The following LINGO2 variants were observed in gnomAD, a reference collection of about 807,000 sequenced individuals.
LINGO2 encodes leucine rich repeat and Ig domain containing 2.
A neutral mutation model predicts 30.6 loss-of-function variants in LINGO2; 14 were observed. That is an observed-to-expected ratio of 0.46 (90% confidence interval 0.30 to 0.72). The LOEUF is 0.72. LINGO2 is among the 30% of genes least tolerant of loss of function. The probability of loss-of-function intolerance (pLI) is 0.07; values close to 1 mark genes in which losing one functional copy is unlikely to be tolerated. For missense variants in LINGO2, 729 were observed against 751.7 expected, an observed-to-expected ratio of 0.97 and a Z score of 0.35; for synonymous variants, 317 against 288.5, an observed-to-expected ratio of 1.10 and a Z score of -1.00.
At chr9:29,078,879 A>T in the LINGO2 span, among the ~76,000 whole-genome samples, 29,939 of 151,710 alleles carry the variant, frequency 0.2, 3,098 homozygotes, top group African/African-American at 0.24. Flanking sequence ...TCCTAGGATC[A>T]AGGCTGAATT....
At position 28,626,826 on chromosome 9, in the gene LINGO2, TTG is replaced by T. The variant is rs370655363; in HGVS notation, c.-365+43372_-365+43373del. On this transcript the variant is annotated intron_variant, in intron 1 of 5. Coordinates refer to ENST00000379992, the Ensembl canonical transcript of LINGO2. Reference sequence around the variant, plus strand: ...GTTTTTTTCAGCTCTAAAAATTCTATTGTGTGTGTGTGTGTGTGTCTTCCATT... The same window carrying T: ...GTTTTTTTCAGCTCTAAAAATTCTATTGTGTGTGTGTGTGTGTCTTCCATT... Among the ~76,000 whole-genome samples, 547 of 150,580 alleles carry T rather than the reference TTG, an allele frequency of 3.6e-3. 5 individuals carry two copies. Among genetic ancestry groups the T allele is most frequent in the African/African-American group, 0.013 (518 of 41,164 alleles).
chr9:28,348,248 C>T (rs1819672034), intron 3 of LINGO2, among the ~76,000 whole-genome samples: 1 of 151,984 alleles, frequency 6.6e-6, no homozygotes, highest in African/African-American at 2.4e-5. Context: ...GGGTTCATCT[C>T]ACTAGGGAGT....
chr9:28,965,448 C>T, the LINGO2 span, among the ~76,000 whole-genome samples: 2 of 152,098 alleles, frequency 1.3e-5, no homozygotes, highest in East Asian at 1.9e-4. Context: ...CCGTTTCCTA[C>T]GTATTTAAAT....
intron 4 of LINGO2, among the ~76,000 whole-genome samples, chr9:28,042,364 G>A (rs1193749042): frequency 1.3e-5 from 2 of 152,094 alleles, no homozygotes; most frequent in Admixed American, 6.5e-5. Flanking sequence ...TTGTCAACTT[G>A]TATAAAACAG....
chr9:29,168,315 T>C, the LINGO2 span, among the ~76,000 whole-genome samples: 1 of 152,090 alleles, frequency 6.6e-6, no homozygotes, highest in East Asian at 1.9e-4. Context: ...TTTGATGTAA[T>C]AGACTATTAT....
chr9:28,917,603 C>A, the LINGO2 span, among the ~76,000 whole-genome samples: 1 of 151,994 alleles, frequency 6.6e-6, no homozygotes, highest in East Asian at 1.9e-4. Context: ...CAGGCACCCA[C>A]CACCAGAATA....
intron 4 of LINGO2, among the ~76,000 whole-genome samples, chr9:28,052,737 T>C (rs1824734101): frequency 6.6e-6 from 1 of 152,064 alleles, no homozygotes; most frequent in South Asian, 2.1e-4. Flanking sequence ...GTAAAAGAAT[T>C]TTCTTAAGGA....
chr9:28,430,095 C>T (rs1197717084), intron 2 of LINGO2, among the ~76,000 whole-genome samples: 1 of 38,234 alleles, frequency 2.6e-5, no homozygotes, highest in Non-Finnish European at 6.2e-5. Context: ...GGCTGATTTC[C>T]ACGCGCGCGC....
chr9:28,568,080 A>G lies in LINGO2; in HGVS notation c.-364-92055T>C, dbSNP rs115716220. On this transcript the variant is annotated intron_variant, in intron 1 of 5. Coordinates refer to ENST00000379992, the Ensembl canonical transcript of LINGO2. ...GGTGTGACATCAGCAAGGTGGCAGA[A>G]TAAGAGTTTTCTACTCTCATCTCCC... is the stretch of plus-strand genomic sequence containing the variant. Among the ~76,000 whole-genome samples the G allele has an allele frequency of 4.6e-3, 693 of 152,236 alleles. 5 individuals carry two copies. Among genetic ancestry groups the G allele is most frequent in the African/African-American group, 0.015 (626 of 41,568 alleles).
chr9:28,022,899 G>C (rs937153256), intron 4 of LINGO2, among the ~76,000 whole-genome samples: 3 of 151,454 alleles, frequency 2.0e-5, no homozygotes, highest in African/African-American at 7.3e-5. Flanking sequence ...AGTTTGGGAG[G>C]CTTCTATTGT....
chr9:29,155,169 C>T, the LINGO2 span, among the ~76,000 whole-genome samples: 1 of 151,988 alleles, frequency 6.6e-6, no homozygotes, highest in Admixed American at 6.6e-5. Flanking sequence ...CATTGTGTTT[C>T]CACAGAAAGA....
intron 1 of LINGO2, among the ~76,000 whole-genome samples, chr9:28,494,797 T>A (rs570196954): frequency 7.9e-5 from 12 of 152,310 alleles, no homozygotes; most frequent in Admixed American, 2.0e-4. Context: ...CCCCACACTG[T>A]CTTCCACAAT....
At chr9:27,986,556 C>T (rs1282229795) in intron 5 of LINGO2, among the ~76,000 whole-genome samples, 2 of 151,640 alleles carry the variant, frequency 1.3e-5, no homozygotes, top group East Asian at 2.0e-4. Context: ...TCCTAAGGGT[C>T]TATGTTAGGA....
chr9:28,861,021 T>C, the LINGO2 span, among the ~76,000 whole-genome samples: 1 of 125,984 alleles, frequency 7.9e-6, no homozygotes, highest in Non-Finnish European at 1.6e-5. Flanking sequence ...ATATAATATA[T>C]TATATAATAC....
the LINGO2 span, among the ~76,000 whole-genome samples, chr9:29,132,209 TC>T: frequency 3.9e-5 from 6 of 151,944 alleles, no homozygotes; most frequent in African/African-American, 1.4e-4. Flanking sequence ...ATCACGTTCC[TC>T]GAGGGGGGGA....
At chr9:28,556,802 T>C (rs939850976) in intron 1 of LINGO2, among the ~76,000 whole-genome samples, 20 of 151,890 alleles carry the variant, frequency 1.3e-4, no homozygotes, top group Admixed American at 4.6e-4. Context: ...AACAGAGATA[T>C]AGATCAATGG....
the LINGO2 span, among the ~76,000 whole-genome samples, chr9:29,097,899 T>G: frequency 1.5e-5 from 2 of 132,282 alleles, no homozygotes; most frequent in Non-Finnish European, 3.3e-5. Context: ...CCTCAACTAT[T>G]TGACCTGTAT....
At chr9:28,264,173 T>A (rs765041984) in intron 4 of LINGO2, among the ~76,000 whole-genome samples, 1 of 151,962 alleles carries the variant, frequency 6.6e-6, no homozygotes, top group Non-Finnish European at 1.5e-5. Context: ...TAGATGTCAT[T>A]TATGATTGAT....
the LINGO2 span, among the ~76,000 whole-genome samples, chr9:28,736,307 G>A: frequency 6.6e-6 from 1 of 152,212 alleles, no homozygotes; most frequent in South Asian, 2.1e-4. Flanking sequence ...CTTTTGCCTG[G>A]GTCAGCCAGC....
Sources: gnomAD v4.1 joint callset for allele counts (sites outside exome capture counted in the v4.1 genomes callset) on GRCh38, gnomAD v4.1.1 for gene constraint, MANE v1.5 for transcripts, NCBI Gene and HGNC (gene_info 2026-07-23, HGNC 2026-07-21) for gene names.